The following AMPH variants were observed in gnomAD, a reference collection of about 807,000 sequenced individuals.
AMPH encodes amphiphysin, also known as amphiphysin (Stiff-Mann syndrome with breast cancer 128kD autoantigen).
A neutral mutation model predicts 99.1 loss-of-function variants in AMPH; 49 were observed. The ratio of observed to expected loss-of-function variants is 0.49; its 90% confidence interval spans 0.39 to 0.63. The LOEUF is 0.63. Among genes scored for constraint, AMPH ranks in the 20% least tolerant of loss-of-function variants. The pLI, the probability that AMPH is intolerant of heterozygous loss-of-function variation, is 0.00. For synonymous variants in AMPH, 314 were observed against 317.3 expected (o/e 0.99, Z 0.11); for missense variants, 759 against 863.4 (o/e 0.88, Z 1.52).
chr7:38,405,124 C>G (rs765483828), intron 17 of AMPH, among the ~76,000 whole-genome samples: 26 of 151,854 alleles, frequency 1.7e-4, no homozygotes, highest in Non-Finnish European at 3.4e-4. Flanking sequence ...GCTTCATAAA[C>G]GAAGGAGAAA....
At chr7:38,473,408 A>C (rs1787955596) in intron 7 of AMPH, among the ~76,000 whole-genome samples, 1 of 151,828 alleles carries the variant, frequency 6.6e-6, no homozygotes, top group Admixed American at 6.6e-5. Flanking sequence ...ATTTTGGATA[A>C]AAGTATTCCA....
chr7:38,514,905 G>C (rs959624728), intron 2 of AMPH, among the ~76,000 whole-genome samples: 2 of 152,174 alleles, frequency 1.3e-5, no homozygotes, highest in Admixed American at 6.5e-5. Flanking sequence ...CTTTAGAATT[G>C]GGTAATGGAT....
intron 1 of AMPH, among the ~76,000 whole-genome samples, chr7:38,598,494 G>A (rs1238247414): frequency 1.3e-5 from 2 of 152,080 alleles, no homozygotes. Context: ...AGTAGAGATG[G>A]GGTTTCGCCA....
intron 2 of AMPH, among the ~76,000 whole-genome samples, chr7:38,525,319 C>T (rs1481729787): frequency 8.1e-6 from 1 of 123,200 alleles, no homozygotes; most frequent in African/African-American, 3.3e-5. Context: ...GAGAGGGAGC[C>T]TTTGCATCCT....
chr7:38,494,348 A>C (rs1788842778), intron 4 of AMPH, 85 bp downstream of exon 4: 1 of 1,113,668 alleles, frequency 9.0e-7, no homozygotes, highest in Non-Finnish European at 1.4e-6. Flanking sequence ...CATGATTAAG[A>C]CTGTGAAGTG....
At chr7:38,548,130 G>A (rs1445829867) in intron 1 of AMPH, among the ~76,000 whole-genome samples, 4 of 150,450 alleles carry the variant, frequency 2.7e-5, no homozygotes, top group Admixed American at 1.3e-4. Context: ...CTGGGTTCAC[G>A]CCATTCTCCT....
intron 1 of AMPH, among the ~76,000 whole-genome samples, chr7:38,603,782 ACACTTCCCTGAGG>A (rs1793337323): frequency 6.6e-6 from 1 of 152,144 alleles, no homozygotes; most frequent in Non-Finnish European, 1.5e-5. Context: ...CATTTATGTG[ACACTTCCCTGAGG>A]CCTCAAAGGA....
intron 17 of AMPH, among the ~76,000 whole-genome samples, chr7:38,407,618 T>C (rs986826): frequency 6.6e-6 from 1 of 151,738 alleles, no homozygotes; most frequent in African/African-American, 2.4e-5. Context: ...AAATAAAATT[T>C]AAAAATTTTA....
At chr7:38,494,384 G>T in intron 4 of AMPH, 49 bp downstream of exon 4, 4 of 1,487,836 alleles carry the variant, frequency 2.7e-6, no homozygotes, top group Non-Finnish European at 3.8e-6. Flanking sequence ...GGGACAGGTG[G>T]ACTGAGCAAG....
chr7:38,517,370 G>A (rs1274754565), intron 2 of AMPH, among the ~76,000 whole-genome samples: 1 of 152,140 alleles, frequency 6.6e-6, no homozygotes, highest in African/African-American at 2.4e-5. Context: ...ATGAGATCTG[G>A]CTGTTTAAAA....
chr7:38,436,132 CCT>C (rs1479815923), intron 12 of AMPH, 138 bp downstream of exon 12: 3 of 644,612 alleles, frequency 4.7e-6, no homozygotes, highest in Non-Finnish European at 8.2e-6. Context: ...CCTTTCTACC[CCT>C]CTTTCCTATT....
chr7:38,460,952 C>A (rs920603758), intron 11 of AMPH, among the ~76,000 whole-genome samples: 1 of 152,054 alleles, frequency 6.6e-6, no homozygotes, highest in Non-Finnish European at 1.5e-5. Flanking sequence ...ATGCATATAA[C>A]AAATACATGT....
In AMPH at chr7:38,548,225, T is replaced by C. The variant is rs553793387; in HGVS notation, c.70-13214A>G. 2.0e-5 allele frequency among the ~76,000 whole-genome samples: 3 copies of C among 152,096 alleles called. No individual in the cohort carries two copies. The East Asian group carries it at 5.8e-4, about 30-fold the overall frequency. ...TTTGTATTTTTAGTAGAGATGGGGTTTCACCATGTTAGCCAGGATGGTCTC... is the reference window on the plus strand; with the variant it reads ...TTTGTATTTTTAGTAGAGATGGGGTCTCACCATGTTAGCCAGGATGGTCTC... On this transcript the variant is annotated intron_variant, in intron 1 of 20. Coordinates refer to ENST00000356264, the MANE Select transcript of AMPH (RefSeq NM_001635.4).
chr7:38,530,817 C>CA (rs1790370997), intron 2 of AMPH, among the ~76,000 whole-genome samples: 1 of 152,072 alleles, frequency 6.6e-6, no homozygotes, highest in African/African-American at 2.4e-5. Context: ...GATAAGAGAC[C>CA]AAAAATAGAA....
intron 16 of AMPH, among the ~76,000 whole-genome samples, chr7:38,419,427 G>C (rs753571853): frequency 1.3e-5 from 2 of 152,148 alleles, no homozygotes; most frequent in African/African-American, 4.8e-5. Context: ...TGGTAGACAA[G>C]TGTGCAGACA....
At chr7:38,426,097 C>A (rs1253173527) in intron 15 of AMPH, among the ~76,000 whole-genome samples, 1 of 152,024 alleles carries the variant, frequency 6.6e-6, no homozygotes, top group Non-Finnish European at 1.5e-5. Flanking sequence ...ATAATGAAAC[C>A]TTTAAATACA....
chr7:38,529,824 C>T (rs763422764), intron 2 of AMPH, among the ~76,000 whole-genome samples: 22 of 152,158 alleles, frequency 1.4e-4, no homozygotes, highest in Non-Finnish European at 4.4e-5. Flanking sequence ...AAGGTATATG[C>T]TAGGCCTATC....
At chr7:38,486,775 A>G (rs10951558) in intron 5 of AMPH, among the ~76,000 whole-genome samples, 13,025 of 152,154 alleles carry the variant, frequency 0.086, 787 homozygotes, top group Middle Eastern at 0.2. Flanking sequence ...GGTTTAACAT[A>G]TGAGAATCAA....
rs1584265662 is a variant in AMPH at position 38,576,759 on chromosome 7, T to A, written c.70-41748A>T. Among the ~76,000 whole-genome samples the A allele has an allele frequency of 2.0e-5, 3 of 152,316 alleles. No homozygotes were observed. In the South Asian group the frequency reaches 6.2e-4, roughly 32 times the overall value. On this transcript the variant is annotated intron_variant, in intron 1 of 20. Coordinates refer to ENST00000356264, the MANE Select transcript of AMPH (RefSeq NM_001635.4). ...AGATCTCACTTAAGTCTTTACTATG[T>A]CTAACACAGGGACAATGTGCTAGGC...
Sources: gnomAD v4.1 joint callset for allele counts (sites outside exome capture counted in the v4.1 genomes callset) on GRCh38, gnomAD v4.1.1 for gene constraint, MANE v1.5 for transcripts, NCBI Gene and HGNC (gene_info 2026-07-23, HGNC 2026-07-21) for gene names.